TANC2: variants seen among roughly 807,000 people sequenced by gnomAD.
TANC2 encodes the protein tetratricopeptide repeat, ankyrin repeat and coiled-coil containing 2.
TANC2 carries 26 observed loss-of-function variants against 210.5 expected under a neutral mutation model. The observed-to-expected ratio is 0.12, with a 90% CI of 0.09 to 0.17. The LOEUF (loss-of-function observed/expected upper bound fraction) is 0.17, where lower values mean the gene tolerates loss of function less well. TANC2 is among the 10% of genes least tolerant of loss of function. TANC2 has a pLI of 1.00. For missense variants in TANC2, 2,129 were observed against 2,608.9 expected (o/e 0.82, Z 4.01); for synonymous variants, 931 against 967.1 (o/e 0.96, Z 0.69).
chr17:63,192,040 G>A (rs2041204233), intron 5 of TANC2, among the ~76,000 whole-genome samples: 1 of 152,048 alleles, frequency 6.6e-6, no homozygotes, highest in Admixed American at 6.6e-5. Flanking sequence ...CATCTACTAG[G>A]CCTTTCATAA....
At chr17:63,391,070 C>T (rs767169363) in intron 17 of TANC2, 3 of 152,220 alleles carry the variant, frequency 2.0e-5, no homozygotes, top group Non-Finnish European at 2.9e-5. Context: ...TCCTCCTCTA[C>T]ACTCTTAACC....
intron 8 of TANC2, among the ~76,000 whole-genome samples, chr17:63,252,714 A>G (rs1220020980): frequency 1.3e-5 from 2 of 152,136 alleles, no homozygotes; most frequent in African/African-American, 4.8e-5. Flanking sequence ...GCTGGCAATG[A>G]CAGGATCTTA....
intron 8 of TANC2, among the ~76,000 whole-genome samples, chr17:63,239,275 T>C (rs2042709168): frequency 6.6e-6 from 1 of 152,232 alleles, no homozygotes; most frequent in Non-Finnish European, 1.5e-5. Context: ...GCTAAATTGC[T>C]GTTTAATAAT....
intron 5 of TANC2, among the ~76,000 whole-genome samples, chr17:63,177,261 T>A: frequency 8.5e-6 from 1 of 117,444 alleles, no homozygotes; most frequent in Non-Finnish European, 1.7e-5. Flanking sequence ...TGAGACTCTG[T>A]CTCAAAAAAA....
At chr17:62,972,268 T>C (rs78627059) in intron 1 of TANC2, among the ~76,000 whole-genome samples, 1,821 of 152,350 alleles carry the variant, frequency 0.012, 33 homozygotes, top group African/African-American at 0.042. Flanking sequence ...TATCTTGTTA[T>C]GTTCGGTCTC....
intron 4 of TANC2, among the ~76,000 whole-genome samples, chr17:63,099,709 A>T: frequency 6.6e-6 from 1 of 152,166 alleles, no homozygotes; most frequent in East Asian, 1.9e-4. Context: ...TAATTTTAGG[A>T]TAATAGGAGC....
At chr17:63,389,423 T>A in exon 17 of TANC2, 1 of 1,614,034 alleles carries the variant, frequency 6.2e-7, no homozygotes, top group East Asian at 2.2e-5. Context: ...ATGGTAGCCC[T>A]GCTGCTGGAG....
At chr17:63,021,033 C>T (rs1164800048) in intron 2 of TANC2, among the ~76,000 whole-genome samples, 1 of 152,102 alleles carries the variant, frequency 6.6e-6, no homozygotes, top group Admixed American at 6.5e-5. Flanking sequence ...CCTCATGACC[C>T]AGATACCTCT....
chr17:63,272,362 T>G (rs2043738132), intron 9 of TANC2, among the ~76,000 whole-genome samples: 1 of 152,152 alleles, frequency 6.6e-6, no homozygotes, highest in African/African-American at 2.4e-5. Flanking sequence ...TGCAGTCCTG[T>G]AGTATAGTTT....
intron 10 of TANC2, 65 bp downstream of exon 10, chr17:63,314,734 A>C: frequency 1.3e-6 from 2 of 1,559,524 alleles, no homozygotes; most frequent in Admixed American, 3.6e-5. Context: ...ACATATTTAT[A>C]TTAGGTCGTA....
intron 4 of TANC2, among the ~76,000 whole-genome samples, chr17:63,122,850 A>C (rs1453386861): frequency 2.0e-5 from 3 of 152,196 alleles, no homozygotes; most frequent in Non-Finnish European, 4.4e-5. Context: ...ATTGGAGAAA[A>C]TATTGTTTAT....
intron 7 of TANC2, among the ~76,000 whole-genome samples, chr17:63,222,288 G>A (rs2042214734): frequency 6.6e-6 from 1 of 152,118 alleles, no homozygotes; most frequent in Non-Finnish European, 1.5e-5. Context: ...TGAGTTTTAG[G>A]AGACACAAGC....
rs1053894270 is a variant in TANC2 at position 63,133,630 on chromosome 17, C to T, written c.323-17640C>T. ...TTCCAGTCCAAGTCTGTTTCTTCCT[C>T]AGTTCTTTATTATATGTAAAACTAT... On this transcript the variant is annotated intron_variant, in intron 4 of 27. Transcript: ENST00000689528. Among the ~76,000 whole-genome samples the T allele has an allele frequency of 4.6e-5, 7 of 152,264 alleles. No individual in the cohort carries two copies. In the East Asian group the frequency reaches 9.6e-4, roughly 21 times the overall value.
At chr17:63,143,889 T>C (rs1434479220) in intron 4 of TANC2, among the ~76,000 whole-genome samples, 1 of 152,116 alleles carries the variant, frequency 6.6e-6, no homozygotes, top group Non-Finnish European at 1.5e-5. Flanking sequence ...ACAGGGGCTC[T>C]CACCTGTAAT....
At chr17:63,372,922 G>A (rs534410190) in intron 14 of TANC2, among the ~76,000 whole-genome samples, 3 of 143,132 alleles carry the variant, frequency 2.1e-5, no homozygotes, top group Admixed American at 2.1e-4. Context: ...TTGAGATAGG[G>A]TCTTGCTCGT....
At chr17:63,243,459 C>G (rs775462756) in intron 8 of TANC2, among the ~76,000 whole-genome samples, 2 of 152,128 alleles carry the variant, frequency 1.3e-5, no homozygotes, top group Non-Finnish European at 2.9e-5. Flanking sequence ...GAAAACCATT[C>G]ACATGTCCAT....
At chr17:63,316,799 G>A (rs1000164966) in intron 10 of TANC2, among the ~76,000 whole-genome samples, 2 of 152,090 alleles carry the variant, frequency 1.3e-5, no homozygotes, top group African/African-American at 4.8e-5. Context: ...ATAAGTGACT[G>A]ATATAATGCA....
At chr17:63,346,074 G>C (rs2046399168) in intron 12 of TANC2, among the ~76,000 whole-genome samples, 1 of 152,100 alleles carries the variant, frequency 6.6e-6, no homozygotes, top group South Asian at 2.1e-4. Context: ...AATGTTTGGG[G>C]AAGGGGAAAT....
intron 18 of TANC2, among the ~76,000 whole-genome samples, chr17:63,397,907 G>C (rs1176435368): frequency 6.6e-6 from 1 of 152,172 alleles, no homozygotes; most frequent in African/African-American, 2.4e-5. Context: ...GCTTTCATGG[G>C]CCAGTGCAAG....
Sources: gnomAD v4.1 joint callset for allele counts (sites outside exome capture counted in the v4.1 genomes callset) on GRCh38, gnomAD v4.1.1 for gene constraint, MANE v1.5 for transcripts, NCBI Gene and HGNC (gene_info 2026-07-23, HGNC 2026-07-21) for gene names.